CAMK1D: variants seen among roughly 807,000 people sequenced by gnomAD.
CAMK1D encodes the protein calcium/calmodulin dependent protein kinase ID.
CAMK1D carries 9 observed loss-of-function variants against 47.7 expected under a neutral mutation model. That is an observed-to-expected ratio of 0.19 (90% CI 0.11 to 0.33). CAMK1D has a LOEUF of 0.33. Among genes scored for constraint, CAMK1D ranks in the 10% least tolerant of loss-of-function variants. The probability of loss-of-function intolerance (pLI) is 1.00; values close to 1 mark genes in which losing one functional copy is unlikely to be tolerated. For missense variants in CAMK1D, 291 were observed against 488.7 expected (o/e 0.60, Z 3.81); for synonymous variants, 184 against 184.9 (o/e 0.99, Z 0.04).
chr10:12,762,184 T>G (rs1274753928), intron 4 of CAMK1D, among the ~76,000 whole-genome samples: 1 of 152,174 alleles, frequency 6.6e-6, no homozygotes, highest in Non-Finnish European at 1.5e-5. Context: ...CATTCTAGGA[T>G]GTTTACAGGT....
chr10:12,417,948 C>T (rs1430383665), intron 1 of CAMK1D, among the ~76,000 whole-genome samples: 1 of 152,020 alleles, frequency 6.6e-6, no homozygotes, highest in East Asian at 1.9e-4. Context: ...ATTACAGGCG[C>T]CTGCCACCAC....
intron 6 of CAMK1D, 56 bp from the exon 7 acceptor site, chr10:12,814,138 AC>A: frequency 1.8e-6 from 2 of 1,125,558 alleles, no homozygotes; most frequent in Non-Finnish European, 2.7e-6. Context: ...GGCAAAGTGT[AC>A]AGTCACCACA....
Position 12,816,284 on chromosome 10 carries a change from C to T in CAMK1D, c.789C>T (p.Asp263=). Reference sequence around the variant, plus strand: ...TCATTCGGAACCTGATGGAGAAGGACCCGAATAAAAGATACACGTGTGAGC... The same window carrying T: ...TCATTCGGAACCTGATGGAGAAGGATCCGAATAAAAGATACACGTGTGAGC... The part of the protein sequence containing the change: ...KDFIRNLMEK[D]PNKRYTCEQA... The change falls in exon 8 of 11, where the codon GAC becomes GAT. Residue 263 remains aspartate, a synonymous_variant. Transcript: ENST00000619168. 6.2e-7 allele frequency: 1 copy of T among 1,613,818 alleles called. No homozygotes were observed.
chr10:12,543,167 C>T (rs1340558709), intron 1 of CAMK1D, among the ~76,000 whole-genome samples: 1 of 152,158 alleles, frequency 6.6e-6, no homozygotes. Flanking sequence ...CCTGTCTCAG[C>T]CTCCCGAGTT....
intron 1 of CAMK1D, among the ~76,000 whole-genome samples, chr10:12,370,080 A>G (rs1433857749): frequency 1.3e-5 from 2 of 152,154 alleles, no homozygotes; most frequent in Admixed American, 6.5e-5. Context: ...GGCAAGTACA[A>G]TATAGTGAGC....
chr10:12,413,806 C>T (rs1839755287), intron 1 of CAMK1D, among the ~76,000 whole-genome samples: 1 of 152,070 alleles, frequency 6.6e-6, no homozygotes, highest in Non-Finnish European at 1.5e-5. Flanking sequence ...GCCATATTTT[C>T]ACAGTTTGGA....
chr10:12,784,317 C>G (rs1236719737), intron 5 of CAMK1D, among the ~76,000 whole-genome samples: 1 of 151,590 alleles, frequency 6.6e-6, no homozygotes, highest in African/African-American at 2.4e-5. Flanking sequence ...CTTGCCTCAG[C>G]CTCCTGAGTA....
intron 2 of CAMK1D, among the ~76,000 whole-genome samples, chr10:12,592,893 C>G (rs996485041): frequency 1.3e-5 from 2 of 152,198 alleles, no homozygotes; most frequent in African/African-American, 4.8e-5. Flanking sequence ...CTTAAAATCT[C>G]TCTTGTTCTC....
chr10:12,768,524 G>A (rs547593713), intron 4 of CAMK1D, among the ~76,000 whole-genome samples: 14 of 152,226 alleles, frequency 9.2e-5, no homozygotes, highest in Admixed American at 2.0e-4. Context: ...TTCGTGCTGC[G>A]CTCCCTTTAA....
At chr10:12,715,302 T>C (rs1049309905) in intron 3 of CAMK1D, among the ~76,000 whole-genome samples, 1 of 152,254 alleles carries the variant, frequency 6.6e-6, no homozygotes, top group Non-Finnish European at 1.5e-5. Flanking sequence ...AATTGGTCAC[T>C]TCTGTTCTGT....
At position 12,761,032 on chromosome 10, in the gene CAMK1D, C is replaced by G; in HGVS notation, c.384C>G (p.Val128=). 1 of 1,614,194 alleles carries G rather than the reference C, an allele frequency of 6.2e-7. No homozygotes were observed. Among genetic ancestry groups the G allele is most frequent in the Non-Finnish European group, 8.5e-7 (1 of 1,180,048 alleles). The change falls in exon 4 of 11, where the codon GTC becomes GTG. Residue 128 remains valine, a synonymous_variant. Transcript: ENST00000619168. ...EKDASTLIRQ[V]LDAVYYLHRM... Reference sequence around the variant, plus strand: ...ATGCCAGCACTCTGATCCGCCAAGTCTTGGACGCCGTGTACTATCTCCACA... The same window carrying G: ...ATGCCAGCACTCTGATCCGCCAAGTGTTGGACGCCGTGTACTATCTCCACA...
chr10:12,439,253 C>T (rs539579187), intron 1 of CAMK1D, among the ~76,000 whole-genome samples: 36 of 152,192 alleles, frequency 2.4e-4, no homozygotes, highest in Non-Finnish European at 4.3e-4. Flanking sequence ...GCTGAAAAGG[C>T]TGCATACGTC....
At chr10:12,588,205 C>T (rs917418167) in intron 2 of CAMK1D, among the ~76,000 whole-genome samples, 7 of 152,042 alleles carry the variant, frequency 4.6e-5, no homozygotes, top group Admixed American at 1.3e-4. Context: ...CTGCAAGGCA[C>T]GGAGCTCTGC....
chr10:12,452,269 C>T (rs1203590244), intron 1 of CAMK1D, among the ~76,000 whole-genome samples: 1 of 152,026 alleles, frequency 6.6e-6, no homozygotes, highest in Non-Finnish European at 1.5e-5. Flanking sequence ...ACTGAATTTA[C>T]AATATTTATA....
At chr10:12,728,399 T>G (rs1392720707) in intron 3 of CAMK1D, among the ~76,000 whole-genome samples, 3 of 152,230 alleles carry the variant, frequency 2.0e-5, no homozygotes, top group Non-Finnish European at 2.9e-5. Context: ...AATTGTGTTA[T>G]AATGTTAGTC....
At chr10:12,615,445 C>A (rs552969554) in intron 2 of CAMK1D, among the ~76,000 whole-genome samples, 1 of 151,328 alleles carries the variant, frequency 6.6e-6, no homozygotes, top group African/African-American at 2.4e-5. Flanking sequence ...TGAGTGTGTG[C>A]ATGTGTGTGT....
At chr10:12,561,310 A>G (rs372932886) in intron 2 of CAMK1D, among the ~76,000 whole-genome samples, 166 of 152,056 alleles carry the variant, frequency 1.1e-3, no homozygotes, top group African/African-American at 3.9e-3. Context: ...AAACTTGCCA[A>G]GCTTTGGGCA....
At chr10:12,664,628 C>T (rs923029972) in intron 2 of CAMK1D, among the ~76,000 whole-genome samples, 3 of 152,138 alleles carry the variant, frequency 2.0e-5, no homozygotes, top group Non-Finnish European at 2.9e-5. Context: ...ATCTCTAAAC[C>T]CAATTTAGAG....
intron 1 of CAMK1D, among the ~76,000 whole-genome samples, chr10:12,461,799 A>T (rs1005685097): frequency 3.3e-5 from 5 of 152,180 alleles, no homozygotes; most frequent in Non-Finnish European, 4.4e-5. Context: ...GATGGTAGCC[A>T]AGGTATCTCT....
Sources: gnomAD v4.1 joint callset for allele counts (sites outside exome capture counted in the v4.1 genomes callset) on GRCh38, gnomAD v4.1.1 for gene constraint, MANE v1.5 for transcripts, NCBI Gene and HGNC (gene_info 2026-07-23, HGNC 2026-07-21) for gene names.